GUCY2C: variants seen among roughly 807,000 people sequenced by gnomAD.
GUCY2C encodes the protein guanylate cyclase 2C, also known as guanylyl cyclase C.
In GUCY2C, 118 loss-of-function variants were observed where a neutral mutation model predicts 131.1. The observed-to-expected ratio is 0.90, with a 90% CI of 0.78 to 1.05. The LOEUF (loss-of-function observed/expected upper bound fraction) is 1.05, where lower values mean the gene tolerates loss of function less well. Among genes scored for constraint, GUCY2C ranks in the 50% least tolerant of loss-of-function variants. The pLI, the probability that GUCY2C is intolerant of heterozygous loss-of-function variation, is 0.00. For missense variants in GUCY2C, 1,161 were observed against 1,304.4 expected (o/e 0.89, Z 1.69); for synonymous variants, 452 against 457.8 (o/e 0.99, Z 0.16).
chr12:14,652,029 C>A lies in GUCY2C; in HGVS notation c.1535G>T (p.Arg512Leu). The A allele has an allele frequency of 6.3e-7, 1 of 1,584,582 alleles. No individual in the cohort carries two copies. The highest frequency in any genetic ancestry group is 8.7e-7 in the Non-Finnish European group (1 of 1,154,076). Residue 512 changes from arginine (R) to leucine (L), a missense_variant and splice_region_variant, in exon 14 of 27, where the codon CGA becomes CTA. Transcript: ENST00000261170. The stretch of plus-strand genomic sequence containing the variant: ...GTGCTTGAGATCTTTGAGAATCACT[C>A]GCTGCAAAAATCAATGAAATTTAGG... ...RLRQCKYDKK[R>L]VILKDLKHND...
chr12:14,688,233 T>C lies in GUCY2C; in HGVS notation c.218-170A>G, dbSNP rs145858268. Among the ~76,000 whole-genome samples the C allele has an allele frequency of 8.1e-4, 123 of 152,116 alleles. 2 individuals are homozygous for C. The East Asian group carries it at 0.012, about 15-fold the overall frequency. On this transcript the variant is annotated intron_variant, in intron 1 of 26. Transcript: ENST00000261170. ...GTCACTTTTTTCCTCTGTGTGTCTC[T>C]GTCTCTCTGTATCTTTTCATCTCTG...
intron 15 of GUCY2C, among the ~76,000 whole-genome samples, chr12:14,649,659 G>T (rs541212366): frequency 6.6e-6 from 1 of 152,132 alleles, no homozygotes; most frequent in Non-Finnish European, 1.5e-5. Context: ...AACCACATGA[G>T]CATTTTAATG....
intron 19 of GUCY2C, among the ~76,000 whole-genome samples, chr12:14,632,637 G>A (rs77949004): frequency 4.6e-5 from 7 of 152,066 alleles, no homozygotes; most frequent in African/African-American, 1.2e-4. Flanking sequence ...TAAGTATACC[G>A]CATGGACACC....
At chr12:14,619,342 G>T in intron 23 of GUCY2C, 33 bp from the exon 24 acceptor site, 1 of 1,389,126 alleles carries the variant, frequency 7.2e-7, no homozygotes, top group Non-Finnish European at 1.0e-6. Context: ...GGAAGTGGAG[G>T]CAATAGAAAT....
intron 21 of GUCY2C, 45 bp downstream of exon 21, chr12:14,625,712 A>G (rs1946999448): frequency 3.8e-6 from 6 of 1,592,526 alleles, no homozygotes; most frequent in Non-Finnish European, 4.3e-6. Context: ...ATGAAAAGCA[A>G]TGCTAGAGGG....
rs116122529 is a variant in GUCY2C at position 14,623,831 on chromosome 12, C to T, written c.2409-1634G>A. Among the ~76,000 whole-genome samples the T allele has an allele frequency of 4.3e-3, 653 of 152,242 alleles. 2 individuals are homozygous for T. The highest frequency in any genetic ancestry group is 0.015 in the African/African-American group (610 of 41,544). On this transcript the variant is annotated intron_variant, in intron 21 of 26. Transcript: ENST00000261170. Reference sequence around the variant, plus strand: ...TCCTGCCATGCGAAGAAGGTGCTTGCTTCCCCTTCACTCTTCCACCATGGT... The same window carrying T: ...TCCTGCCATGCGAAGAAGGTGCTTGTTTCCCCTTCACTCTTCCACCATGGT...
At chr12:14,666,735 C>CA (rs5796603) in intron 10 of GUCY2C, among the ~76,000 whole-genome samples, 37 of 130,604 alleles carry the variant, frequency 2.8e-4, no homozygotes, top group Middle Eastern at 3.6e-3. Flanking sequence ...ACAATGTCTC[C>CA]AAAAAAAAAA....
intron 10 of GUCY2C, among the ~76,000 whole-genome samples, chr12:14,666,555 C>T (rs1485118274): frequency 1.1e-4 from 16 of 151,974 alleles, no homozygotes; most frequent in African/African-American, 3.9e-4. Flanking sequence ...CCCAACATGG[C>T]GAAACCCCGT....
intron 10 of GUCY2C, among the ~76,000 whole-genome samples, chr12:14,662,462 G>A (rs1439536245): frequency 6.6e-6 from 1 of 151,984 alleles, no homozygotes; most frequent in Admixed American, 6.5e-5. Flanking sequence ...ATCACCTGAG[G>A]TCAGGAGATC....
Position 14,613,529 on chromosome 12 carries a change from G to A in GUCY2C, c.3048-238C>T, listed in dbSNP as rs1291374894. On this transcript the variant is annotated intron_variant, in intron 26 of 26. Coordinates refer to ENST00000261170, the MANE Select transcript of GUCY2C (RefSeq NM_004963.4). The surrounding 1 kb of genome is among the most constrained non-coding windows in gnomAD (Gnocchi z 4.9). ...GTGAAACAATATGCTGCTGGAATTT[G>A]GAGGCATGGTTGGGAGGATCTAGGT... Among the ~76,000 whole-genome samples, 1 of 152,118 alleles carries A rather than the reference G, an allele frequency of 6.6e-6. No individual in the cohort carries two copies. The highest frequency in any genetic ancestry group is 1.5e-5 in the Non-Finnish European group (1 of 68,020).
intron 18 of GUCY2C, among the ~76,000 whole-genome samples, chr12:14,640,869 A>ACACC (rs1213115611): frequency 6.6e-6 from 1 of 152,204 alleles, no homozygotes; most frequent in Non-Finnish European, 1.5e-5. Flanking sequence ...GACAATAATA[A>ACACC]CACCTGGCAG....
rs113186997 is a variant in GUCY2C, at chr12:14,616,587, C to A, written c.2970+46G>T. ...CAAGTCTCAAAGGAGGTGGCCCAAG[C>A]GTGTCTGAGAGCTTTTCCTATGCAT... is the stretch of plus-strand genomic sequence containing the variant. On this transcript the variant is annotated intron_variant, in intron 25 of 26. Coordinates refer to ENST00000261170, the MANE Select transcript of GUCY2C (RefSeq NM_004963.4). 234 of 1,055,322 alleles carry A rather than the reference C, an allele frequency of 2.2e-4. 3 individuals carry two copies. In the African/African-American group the frequency reaches 3.3e-3, roughly 15 times the overall value. The allele number at this position is 1,055,322 out of a possible 1,614,324, so 65.4% of individuals were successfully genotyped here.
chr12:14,685,220 T>C lies in GUCY2C; in HGVS notation c.395+941A>G, dbSNP rs185035386. Among the ~76,000 whole-genome samples, 1,034 of 152,292 alleles carry C rather than the reference T, an allele frequency of 6.8e-3. 8 individuals carry two copies. The highest frequency in any genetic ancestry group is 0.01 in the Middle Eastern group (3 of 294). Reference sequence around the variant, plus strand: ...GTAGCAATATTAGTAAGTGATCAGGTTAGATGACAGTTGGGAACAAATACA... The same window carrying C: ...GTAGCAATATTAGTAAGTGATCAGGCTAGATGACAGTTGGGAACAAATACA... On this transcript the variant is annotated intron_variant, in intron 3 of 26. Transcript: ENST00000261170.
chr12:14,658,054 G>A lies in GUCY2C; in HGVS notation c.1365-1437C>T, dbSNP rs12227495. ...TTACTTTGCATTTTCTTGATTACAAGTGATATTATCCTTTCAAATATTTTC... is the reference window on the plus strand; with the variant it reads ...TTACTTTGCATTTTCTTGATTACAAATGATATTATCCTTTCAAATATTTTC... On this transcript the variant is annotated intron_variant, in intron 11 of 26. Coordinates refer to ENST00000261170, the MANE Select transcript of GUCY2C (RefSeq NM_004963.4). Among the ~76,000 whole-genome samples the A allele has an allele frequency of 7.2e-5, 11 of 152,104 alleles. No homozygotes were observed. The East Asian group carries it at 1.9e-3, about 27-fold the overall frequency.
At chr12:14,692,060 C>T (rs1000781276) in intron 1 of GUCY2C, among the ~76,000 whole-genome samples, 8 of 152,338 alleles carry the variant, frequency 5.3e-5, no homozygotes, top group African/African-American at 1.9e-4. Context: ...AATTCTAGAA[C>T]TTTGATATGC....
intron 18 of GUCY2C, among the ~76,000 whole-genome samples, chr12:14,640,657 G>A (rs1160581185): frequency 6.6e-6 from 1 of 152,114 alleles, no homozygotes; most frequent in Non-Finnish European, 1.5e-5. Context: ...TGCTCAGTAA[G>A]TGAGGATTGA....
At chr12:14,655,597 T>G (rs1388683542) in intron 12 of GUCY2C, among the ~76,000 whole-genome samples, 1 of 152,208 alleles carries the variant, frequency 6.6e-6, no homozygotes, top group East Asian at 1.9e-4. Context: ...AGGAAGCATC[T>G]CAAATCACAC....
intron 15 of GUCY2C, among the ~76,000 whole-genome samples, chr12:14,648,351 CACAT>C (rs1947568807): frequency 6.6e-6 from 1 of 151,762 alleles, no homozygotes; most frequent in Admixed American, 6.6e-5. Context: ...AAAATCCTGA[CACAT>C]ACAGCCAGAA....
intron 5 of GUCY2C, among the ~76,000 whole-genome samples, chr12:14,681,059 AG>A (rs1948338238): frequency 1.3e-5 from 2 of 152,146 alleles, no homozygotes; most frequent in Non-Finnish European, 2.9e-5. Context: ...CAGTCTGCTG[AG>A]GGTGGGTCAT....
Sources: allele counts gnomAD v4.1 joint callset (sites outside exome capture counted in the v4.1 genomes callset), GRCh38; gene constraint gnomAD v4.1.1; non-coding constraint Gnocchi (gnomAD v3.1); transcripts MANE v1.5; gene names NCBI Gene and HGNC (gene_info 2026-07-23, HGNC 2026-07-21).